The following AMZ1 variants were observed in gnomAD, a reference collection of about 807,000 sequenced individuals.
AMZ1 encodes the protein archaemetzincin-1.
AMZ1 carries 39 observed loss-of-function variants against 29.9 expected under a neutral mutation model. The ratio of observed to expected loss-of-function variants is 1.30; its 90% CI spans 1.01 to 1.70. The LOEUF is 1.70. AMZ1 is among the 40% of genes most tolerant of loss of function. The pLI is 0.00. For missense variants in AMZ1, 1,041 were observed against 680.6 expected, an observed-to-expected ratio of 1.53 and a Z score of -5.89; for synonymous variants, 458 against 304.0, an observed-to-expected ratio of 1.51 and a Z score of -5.27.
chr7:2,712,938 G>T lies in AMZ1; in HGVS notation c.*60G>T. On this transcript the variant is annotated 3_prime_UTR_variant, in exon 7 of 7. Coordinates refer to ENST00000683327, the MANE Select transcript of AMZ1 (RefSeq NM_001384743.1). ...GGATGCTGGCCAGCACTGTCCAGTA[G>T]CTGAGGCCACTACTGACCTGCCAGG... The T allele has an allele frequency of 6.8e-7, 1 of 1,469,336 alleles. No individual in the cohort carries two copies. The highest frequency in any genetic ancestry group is 9.0e-7 in the Non-Finnish European group (1 of 1,108,216). 91.0% of individuals were successfully genotyped at this position (1,469,336 alleles called of 1,614,324 possible). A position where few individuals can be genotyped will look rare whatever the true frequency, so the allele number is the denominator to read the frequency against.
intron 6 of AMZ1, among the ~76,000 whole-genome samples, chr7:2,711,650 G>A (rs1788786930): frequency 6.6e-6 from 1 of 152,126 alleles, no homozygotes; most frequent in Non-Finnish European, 1.5e-5. Context: ...TGAACTCCTG[G>A]TTTCAAGTGA....
intron 1 of AMZ1, among the ~76,000 whole-genome samples, chr7:2,693,470 C>G (rs966098496): frequency 6.6e-6 from 1 of 152,154 alleles, no homozygotes; most frequent in African/African-American, 2.4e-5. Context: ...GCCTTGGACT[C>G]CTGGGCTGGA....
chr7:2,707,314 ACCT>A (rs1788417275), intron 3 of AMZ1, among the ~76,000 whole-genome samples: 3 of 151,354 alleles, frequency 2.0e-5, no homozygotes, highest in African/African-American at 7.3e-5. Context: ...ACACAGAACA[ACCT>A]CCTTGTCAAT....
At chr7:2,746,303 C>A (rs540182339) in intron 4 of AMZ1, among the ~76,000 whole-genome samples, 18 of 152,260 alleles carry the variant, frequency 1.2e-4, no homozygotes, top group African/African-American at 4.3e-4. Flanking sequence ...TGTAAAAGAA[C>A]AGAAATTATA....
In AMZ1 at chr7:2,731,343, C is replaced by T; in HGVS notation, n.550+21527C>T. On this transcript the variant is annotated intron_variant and non_coding_transcript_variant, in intron 4 of 4. Coordinates refer to the AMZ1 transcript ENST00000489665. The surrounding 1 kb of genome is among the most constrained non-coding windows in gnomAD (Gnocchi z 6.0). ...TGTCGAAGCACTGGACCAGGTAGCGCTGGACGTCCTCCAGCCTGTGCGGGT... is the reference window on the plus strand; with the variant it reads ...TGTCGAAGCACTGGACCAGGTAGCGTTGGACGTCCTCCAGCCTGTGCGGGT... The T allele has an allele frequency of 6.2e-7, 1 of 1,613,942 alleles. No individual in the cohort carries two copies. Among genetic ancestry groups the T allele is most frequent in the South Asian group, 1.1e-5 (1 of 91,048 alleles).
rs73047304 is a variant in AMZ1 at position 2,694,270 on chromosome 7, T to C, written c.-218-5964T>C. On this transcript the variant is annotated intron_variant, in intron 1 of 6. Transcript: ENST00000683327. ...CACCCCTCATTTCCTGCCTCGCCGCTGGAGCTGGGACATGTCATCCTCTCT... is the reference window on the plus strand; with the variant it reads ...CACCCCTCATTTCCTGCCTCGCCGCCGGAGCTGGGACATGTCATCCTCTCT... Among the ~76,000 whole-genome samples, 20 of 152,252 alleles carry C rather than the reference T, an allele frequency of 1.3e-4. No homozygotes were observed. The East Asian group carries it at 2.9e-3, about 22-fold the overall frequency.
downstream of AMZ1, among the ~76,000 whole-genome samples, chr7:2,720,971 G>A (rs1250976022): frequency 6.6e-6 from 1 of 152,166 alleles, no homozygotes; most frequent in Non-Finnish European, 1.5e-5. Context: ...GAGTCACCAC[G>A]CCCAGCCCGT....
At chr7:2,740,166 CT>C (rs1039508474) in intron 4 of AMZ1, among the ~76,000 whole-genome samples, 9 of 151,992 alleles carry the variant, frequency 5.9e-5, no homozygotes, top group Non-Finnish European at 1.2e-4. Flanking sequence ...CCAGTGTGAT[CT>C]TTTCTGGGTT....
At chr7:2,705,966 C>CA (rs1383995221) in intron 3 of AMZ1, among the ~76,000 whole-genome samples, 1 of 152,242 alleles carries the variant, frequency 6.6e-6, no homozygotes, top group Non-Finnish European at 1.5e-5. Context: ...AGGCCTGTGG[C>CA]AGCTCAGAGA....
In AMZ1 at chr7:2,731,716, G is replaced by C; in HGVS notation, n.550+21900G>C. ...CACAATTCCCTTGGTGGCTTTCCTA[G>C]CCAGCAGGATATCTTGCTTACTAGG... On this transcript the variant is annotated intron_variant and non_coding_transcript_variant, in intron 4 of 4. Coordinates refer to the AMZ1 transcript ENST00000489665. The surrounding 1 kb of genome is among the most constrained non-coding windows in gnomAD (Gnocchi z 6.0). 6.4e-7 allele frequency: 1 copy of C among 1,573,262 alleles called. No individual in the cohort carries two copies. Among genetic ancestry groups the C allele is most frequent in the Non-Finnish European group, 8.7e-7 (1 of 1,155,440 alleles).
chr7:2,747,900 C>G (rs558215439), intron 4 of AMZ1, among the ~76,000 whole-genome samples: 3,874 of 151,906 alleles, frequency 0.026, 119 homozygotes, highest in Middle Eastern at 0.075. Context: ...GAGTGAACTC[C>G]CATTCACAAT....
In AMZ1 at chr7:2,709,673, C is replaced by T. The variant is rs1444857691; in HGVS notation, c.805C>T (p.Leu269=). 5.0e-6 allele frequency: 8 copies of T among 1,610,622 alleles called. No individual in the cohort carries two copies. The highest frequency in any genetic ancestry group is 4.0e-5 in the African/African-American group (3 of 74,982). Residue 269 remains leucine, a synonymous_variant, in exon 6 of 7, where the codon CTG becomes TTG. Transcript: ENST00000683327. The part of the protein sequence containing the change: ...TCHELCHLLG[L]GNCRWLRCLM... Reference sequence around the variant, plus strand: ...CCACGAGCTCTGCCACCTTCTGGGCCTGGGGAACTGCCGCTGGCTCCGCTG... The same window carrying T: ...CCACGAGCTCTGCCACCTTCTGGGCTTGGGGAACTGCCGCTGGCTCCGCTG...
intron 1 of AMZ1, among the ~76,000 whole-genome samples, chr7:2,692,848 A>G (rs1372026368): frequency 1.3e-5 from 2 of 151,082 alleles, no homozygotes; most frequent in Non-Finnish European, 3.0e-5. Context: ...ATCTTCCCCC[A>G]ATCTCGTCCC....
chr7:2,725,155 G>A (rs1298632793), intron 4 of AMZ1, among the ~76,000 whole-genome samples: 1 of 152,200 alleles, frequency 6.6e-6, no homozygotes. Context: ...ACTGAGAAAA[G>A]CTTATCTGCC....
chr7:2,682,250 C>T (rs1039147206), intron 1 of AMZ1, among the ~76,000 whole-genome samples: 1 of 150,990 alleles, frequency 6.6e-6, no homozygotes, highest in Admixed American at 6.6e-5. Flanking sequence ...CCTGTCCTCC[C>T]CTCAGGCCTG....
At chr7:2,694,410 C>T (rs958471337) in intron 1 of AMZ1, among the ~76,000 whole-genome samples, 1 of 152,184 alleles carries the variant, frequency 6.6e-6, no homozygotes, top group Non-Finnish European at 1.5e-5. Flanking sequence ...AGGCAGCACA[C>T]TGTAGGACTT....
At chr7:2,737,285 T>G (rs1194085070) in intron 4 of AMZ1, among the ~76,000 whole-genome samples, 6 of 45,176 alleles carry the variant, frequency 1.3e-4, no homozygotes, top group Admixed American at 2.6e-4. Flanking sequence ...TTTTTTTTTT[T>G]TTTGTTTTTT....
At position 2,709,750 on chromosome 7, in the gene AMZ1, C is replaced by T. The variant is rs761253825; in HGVS notation, c.882C>T (p.Asp294=). The T allele has an allele frequency of 1.2e-6, 2 of 1,611,690 alleles. No homozygotes were observed. Residue 294 remains aspartate, a synonymous_variant, in exon 6 of 7, where the codon GAC becomes GAT. Coordinates refer to ENST00000683327, the MANE Select transcript of AMZ1 (RefSeq NM_001384743.1). ...ACGAGGCCCTGCGGCGGCCCCTGGA[C>T]CTCTGTCCCATCTGCCTGAGGAAGC... The part of the protein sequence containing the change: ...SLDEALRRPL[D]LCPICLRKLQ...
chr7:2,743,657 T>A (rs1328070101), intron 4 of AMZ1, among the ~76,000 whole-genome samples: 1 of 151,898 alleles, frequency 6.6e-6, no homozygotes, highest in Non-Finnish European at 1.5e-5. Flanking sequence ...AGGTACCGGG[T>A]TCATCTCACT....
Sources: allele counts gnomAD v4.1 joint callset (sites outside exome capture counted in the v4.1 genomes callset), GRCh38; gene constraint gnomAD v4.1.1; non-coding constraint Gnocchi (gnomAD v3.1); transcripts MANE v1.5; gene names NCBI Gene and HGNC (gene_info 2026-07-23, HGNC 2026-07-21).